FAM117B: variants seen among roughly 807,000 people sequenced by gnomAD.
The protein encoded by FAM117B is family with sequence similarity 117 member B, also known as protein FAM117B.
Under a neutral mutation model 52.8 loss-of-function variants are expected in FAM117B, and 22 were observed. That is an observed-to-expected ratio of 0.42 (90% CI 0.30 to 0.59). The LOEUF is 0.59. FAM117B is among the 20% of genes least tolerant of loss of function. The pLI, the probability that FAM117B is intolerant of heterozygous loss-of-function variation, is 0.22. For missense variants in FAM117B, 678 were observed against 802.6 expected, an observed-to-expected ratio of 0.84 and a Z score of 1.88; for synonymous variants, 309 against 324.1, an observed-to-expected ratio of 0.95 and a Z score of 0.50.
intron 4 of FAM117B, among the ~76,000 whole-genome samples, chr2:202,739,428 T>TGTCC (rs1358567390): frequency 6.6e-6 from 1 of 151,006 alleles, no homozygotes; most frequent in Non-Finnish European, 1.5e-5. Flanking sequence ...TCTGTCTGTC[T>TGTCC]GTCCTTCCCT....
Position 202,755,691 on chromosome 2 carries a change from C to G in FAM117B, c.1104+10C>G, listed in dbSNP as rs376055440. 3.1e-6 allele frequency: 5 copies of G among 1,607,330 alleles called. No individual in the cohort carries two copies. The South Asian group carries it at 4.4e-5, about 14-fold the overall frequency. ...GGAAGAGCAACTTATAGTAAGTGAT[C>G]TTGTATCTTAAAATCATTCTTGAAC... On this transcript the variant is annotated intron_variant, in intron 5 of 7. Coordinates refer to ENST00000392238, the MANE Select transcript of FAM117B (RefSeq NM_173511.4).
chr2:202,673,699 C>T (rs879802945), intron 1 of FAM117B, among the ~76,000 whole-genome samples: 1 of 151,924 alleles, frequency 6.6e-6, no homozygotes, highest in Non-Finnish European at 1.5e-5. Flanking sequence ...CCGCCTGTCT[C>T]GGTCTCCCAA....
intron 7 of FAM117B, among the ~76,000 whole-genome samples, chr2:202,761,352 A>G (rs1347682765): frequency 6.6e-6 from 1 of 152,072 alleles, no homozygotes; most frequent in Non-Finnish European, 1.5e-5. Flanking sequence ...GCCTTAGACT[A>G]TTGCATTTGG....
At chr2:202,643,542 T>C (rs991799872) in intron 1 of FAM117B, among the ~76,000 whole-genome samples, 1 of 152,178 alleles carries the variant, frequency 6.6e-6, no homozygotes, top group Non-Finnish European at 1.5e-5. Flanking sequence ...TTAAATTTAT[T>C]TTTTTAAACT....
intron 1 of FAM117B, among the ~76,000 whole-genome samples, chr2:202,695,348 T>C (rs1407152274): frequency 6.6e-6 from 1 of 152,152 alleles, no homozygotes. Context: ...ACAATTTATA[T>C]GTTATAAATT....
At chr2:202,726,219 T>G in intron 3 of FAM117B, 31 bp from the exon 4 acceptor site, 1 of 1,478,056 alleles carries the variant, frequency 6.8e-7, no homozygotes, top group Non-Finnish European at 9.4e-7. Context: ...TAGAAAACAC[T>G]CTGGTGTACT....
At chr2:202,754,195 A>G (rs1183748885) in intron 4 of FAM117B, among the ~76,000 whole-genome samples, 1 of 152,250 alleles carries the variant, frequency 6.6e-6, no homozygotes, top group Non-Finnish European at 1.5e-5. Flanking sequence ...CTATGCAGCC[A>G]TAAAAAGGAA....
chr2:202,725,852 G>A (rs1324277940), intron 3 of FAM117B, among the ~76,000 whole-genome samples: 2 of 152,178 alleles, frequency 1.3e-5, no homozygotes, highest in Admixed American at 6.5e-5. Flanking sequence ...CATGACTTGA[G>A]TTGATTTTTA....
intron 2 of FAM117B, among the ~76,000 whole-genome samples, chr2:202,714,623 A>G (rs1348684953): frequency 2.0e-5 from 3 of 147,030 alleles, no homozygotes; most frequent in Non-Finnish European, 4.5e-5. Flanking sequence ...AGGGAAGGTC[A>G]GCAGATAAAC....
intron 2 of FAM117B, among the ~76,000 whole-genome samples, chr2:202,712,267 A>G (rs192125170): frequency 6.6e-6 from 1 of 151,940 alleles, no homozygotes; most frequent in Admixed American, 6.5e-5. Flanking sequence ...TCTTTGGTTA[A>G]TTCCTAGGTG....
At position 202,765,971 on chromosome 2, in the gene FAM117B, A is replaced by T. The variant is rs1231817239; in HGVS notation, c.*207A>T. ...ACCCTCAGTGCTTAGCCTGCTTTTT[A>T]TCAAAGCACTGATTGAAACAAGAAA... On this transcript the variant is annotated 3_prime_UTR_variant, in exon 8 of 8. Coordinates refer to ENST00000392238, the MANE Select transcript of FAM117B (RefSeq NM_173511.4). 3.5e-6 allele frequency: 2 copies of T among 574,132 alleles called. No homozygotes were observed. The highest frequency in any genetic ancestry group is 3.1e-5 in the Admixed American group (1 of 31,786). 35.6% of individuals were successfully genotyped at this position (574,132 alleles called of 1,614,324 possible).
chr2:202,640,045 G>GGAT (rs1336761977), intron 1 of FAM117B, among the ~76,000 whole-genome samples: 2 of 151,828 alleles, frequency 1.3e-5, no homozygotes, highest in African/African-American at 4.8e-5. Context: ...CAAGGTGGGT[G>GGAT]GATGACCTGA....
chr2:202,754,041 G>T (rs9677630), intron 4 of FAM117B, among the ~76,000 whole-genome samples: 4 of 152,070 alleles, frequency 2.6e-5, no homozygotes, highest in African/African-American at 9.7e-5. Flanking sequence ...TACCCAAAGG[G>T]TTATAAATCA....
Position 202,635,039 on chromosome 2 carries a change from G to GCCCCGGCCCGGTCTC in FAM117B, c.-144_-130dup. On this transcript the variant is annotated 5_prime_UTR_variant, in exon 1 of 8. Coordinates refer to ENST00000392238, the MANE Select transcript of FAM117B (RefSeq NM_173511.4). ...CGGCTGCACCACCTCGTTGCTGCCT[G>GCCCCGGCCCGGTCTC]CCCCGGCCCGGTCTCCCCCTGCACC... is the stretch of plus-strand genomic sequence containing the variant. 9.0e-7 allele frequency: 1 copy of GCCCCGGCCCGGTCTC among 1,107,488 alleles called. No homozygotes were observed. Among genetic ancestry groups the GCCCCGGCCCGGTCTC allele is most frequent in the East Asian group, 3.2e-5 (1 of 31,116 alleles). The allele number at this position is 1,107,488 out of a possible 1,614,324, so 68.6% of individuals were successfully genotyped here. A position where few individuals can be genotyped will look rare whatever the true frequency, so the allele number is the denominator to read the frequency against.
At chr2:202,722,201 G>A (rs545683230) in intron 2 of FAM117B, among the ~76,000 whole-genome samples, 43 of 151,702 alleles carry the variant, frequency 2.8e-4, no homozygotes, top group African/African-American at 9.9e-4. Flanking sequence ...TTGTAGAGAC[G>A]GGGTTTCACT....
chr2:202,738,859 C>CATCTATAAAACAAAATGCTACA (rs1691480641), intron 4 of FAM117B, among the ~76,000 whole-genome samples: 1 of 152,128 alleles, frequency 6.6e-6, no homozygotes, highest in Admixed American at 6.6e-5. Flanking sequence ...GTGCTACTTA[C>CATCTATAAAACAAAATGCTACA]TCTATAAAAC....
chr2:202,712,419 C>CTTTTTTT (rs1186703318), intron 2 of FAM117B, among the ~76,000 whole-genome samples: 40 of 89,444 alleles, frequency 4.5e-4, no homozygotes, highest in East Asian at 1.5e-3. Flanking sequence ...TATCAGCTCT[C>CTTTTTTT]TTTTTTTTTT....
intron 1 of FAM117B, among the ~76,000 whole-genome samples, chr2:202,675,194 C>T (rs891096636): frequency 6.6e-6 from 1 of 151,806 alleles, no homozygotes; most frequent in Non-Finnish European, 1.5e-5. Context: ...CCACTACACT[C>T]CAGCCTGGAC....
intron 4 of FAM117B, among the ~76,000 whole-genome samples, chr2:202,727,657 C>G (rs990692951): frequency 6.6e-5 from 10 of 152,168 alleles, no homozygotes; most frequent in South Asian, 2.1e-4. Flanking sequence ...TCATAATGCA[C>G]TTACCATGCC....
Sources: allele counts gnomAD v4.1 joint callset (sites outside exome capture counted in the v4.1 genomes callset), GRCh38; gene constraint gnomAD v4.1.1; transcripts MANE v1.5; gene names NCBI Gene and HGNC (gene_info 2026-07-23, HGNC 2026-07-21).